Variants in ELAPOR2 observed in about 807,000 individuals in gnomAD.
The protein encoded by ELAPOR2 is endosome/lysosome-associated apoptosis and autophagy regulator family member 2.
Under a neutral mutation model 120.7 loss-of-function variants are expected in ELAPOR2, and 89 were observed. The observed-to-expected ratio is 0.74, with a 90% CI of 0.62 to 0.88. The LOEUF (loss-of-function observed/expected upper bound fraction) is 0.88. Among genes scored for constraint, ELAPOR2 ranks in the 40% least tolerant of loss-of-function variants. The probability of loss-of-function intolerance (pLI) is 0.00; values close to 1 mark genes in which losing one functional copy is unlikely to be tolerated. For missense variants in ELAPOR2, 1,134 were observed against 1,251.6 expected (o/e 0.91, Z 1.42); for synonymous variants, 444 against 444.9 (o/e 1.00, Z 0.03).
At chr7:87,028,078 C>T (rs910661050) in intron 1 of ELAPOR2, among the ~76,000 whole-genome samples, 5 of 152,132 alleles carry the variant, frequency 3.3e-5, no homozygotes, top group African/African-American at 1.2e-4. Flanking sequence ...ATACTTTGTT[C>T]AGCATTACTC....
intron 1 of ELAPOR2, among the ~76,000 whole-genome samples, chr7:86,965,272 T>C (rs749413924): frequency 9.2e-5 from 14 of 152,150 alleles, no homozygotes; most frequent in Non-Finnish European, 1.2e-4. Context: ...TATCCTTTCA[T>C]CTCACCCATC....
Position 86,935,343 on chromosome 7 carries a change from G to A in ELAPOR2, c.1089+2783C>T, listed in dbSNP as rs112822346. On this transcript the variant is annotated intron_variant, in intron 8 of 21. Coordinates refer to ENST00000450689, the MANE Select transcript of ELAPOR2 (RefSeq NM_001142749.3). ...ATACACTATGCTCCTTCCCATGTCA[G>A]GTCTTCACCATCCCGCTCCCTCTAT... 1.8e-3 allele frequency among the ~76,000 whole-genome samples: 270 copies of A among 152,078 alleles called. 3 individuals carry two copies. The highest frequency in any genetic ancestry group is 6.3e-3 in the African/African-American group (260 of 41,526).
chr7:87,021,137 TGGG>T (rs1794026716), intron 1 of ELAPOR2, among the ~76,000 whole-genome samples: 1 of 152,132 alleles, frequency 6.6e-6, no homozygotes, highest in Non-Finnish European at 1.5e-5. Flanking sequence ...GTGATAGAAC[TGGG>T]ATTTAAACCC....
chr7:86,988,982 A>T (rs1398493970), intron 1 of ELAPOR2, among the ~76,000 whole-genome samples: 1 of 152,270 alleles, frequency 6.6e-6, no homozygotes, highest in African/African-American at 2.4e-5. Flanking sequence ...ATGCATACCA[A>T]GCAGTTCAGA....
intron 1 of ELAPOR2, among the ~76,000 whole-genome samples, chr7:87,044,697 GC>G (rs1414428573): frequency 2.0e-5 from 3 of 151,884 alleles, no homozygotes. Flanking sequence ...ATAGGCACGG[GC>G]AAGGACTTCA....
rs1034058754 is a variant in ELAPOR2 at position 86,877,170 on chromosome 7, T to C, written c.*3301A>G. 2.0e-5 allele frequency: 3 copies of C among 152,180 alleles called. No individual in the cohort carries two copies. Among genetic ancestry groups the C allele is most frequent in the African/African-American group, 7.2e-5 (3 of 41,452 alleles). 9.4% of individuals were successfully genotyped at this position (152,180 alleles called of 1,614,324 possible). ...TTCTCTTTTCAATTATTCATTCCCA[T>C]CTTAAAGTTTTACTTCTTTCATTTA... is the stretch of plus-strand genomic sequence containing the variant. On this transcript the variant is annotated 3_prime_UTR_variant, in exon 22 of 22. Transcript: ENST00000450689.
intron 15 of ELAPOR2, chr7:86,911,526 A>G (rs575200013): frequency 2.3e-6 from 1 of 428,092 alleles, no homozygotes; most frequent in African/African-American, 2.1e-5. Context: ...AATATTGGGC[A>G]TCATGGTCCT....
chr7:86,945,914 C>T (rs532849353), intron 3 of ELAPOR2, among the ~76,000 whole-genome samples: 7 of 151,940 alleles, frequency 4.6e-5, no homozygotes, highest in Admixed American at 2.0e-4. Flanking sequence ...CACATGGAGA[C>T]GTGTGTATGT....
rs1207269228 is a variant in ELAPOR2 at position 86,877,281 on chromosome 7, T to C, written c.*3190A>G. ...AATCTGTAGCCAGTTAGTATGAAGA[T>C]GAATTCCATTTTAGCTTCCAACGAA... On this transcript the variant is annotated 3_prime_UTR_variant, in exon 22 of 22. Coordinates refer to ENST00000450689, the MANE Select transcript of ELAPOR2 (RefSeq NM_001142749.3). 1 of 152,192 alleles carries C rather than the reference T, an allele frequency of 6.6e-6. No homozygotes were observed. The highest frequency in any genetic ancestry group is 1.5e-5 in the Non-Finnish European group (1 of 68,030). The allele number at this position is 152,192 out of a possible 1,614,324, so 9.4% of individuals were successfully genotyped here.
At chr7:86,960,606 G>T (rs1367611780) in intron 2 of ELAPOR2, among the ~76,000 whole-genome samples, 1 of 151,964 alleles carries the variant, frequency 6.6e-6, no homozygotes, top group African/African-American at 2.4e-5. Flanking sequence ...TTGTAAGTAG[G>T]ATATTTAATT....
At chr7:86,943,339 T>C (rs773610473) in intron 4 of ELAPOR2, among the ~76,000 whole-genome samples, 8 of 151,916 alleles carry the variant, frequency 5.3e-5, no homozygotes, top group Non-Finnish European at 1.2e-4. Context: ...AAGTTTCATA[T>C]AGTTCCAAAA....
chr7:87,041,456 A>G (rs2129015706), intron 1 of ELAPOR2, among the ~76,000 whole-genome samples: 1 of 152,194 alleles, frequency 6.6e-6, no homozygotes, highest in Non-Finnish European at 1.5e-5. Context: ...GGGGGCCAAT[A>G]TTCAACATTC....
intron 1 of ELAPOR2, among the ~76,000 whole-genome samples, chr7:87,024,132 C>A (rs149500958): frequency 0.4 from 61,401 of 151,908 alleles, 13,926 homozygotes; most frequent in African/African-American, 0.62. Context: ...GGGCATCCCT[C>A]TCTTGTGCCA....
chr7:86,991,181 A>G (rs1442571887), intron 1 of ELAPOR2, among the ~76,000 whole-genome samples: 1 of 152,230 alleles, frequency 6.6e-6, no homozygotes. Flanking sequence ...CCCAAGAACT[A>G]CCAAAGTGCC....
At position 86,940,121 on chromosome 7, in the gene ELAPOR2, A is replaced by T; in HGVS notation, c.742-6T>A. 6.3e-7 allele frequency: 1 copy of T among 1,594,168 alleles called. No individual in the cohort carries two copies. Among genetic ancestry groups the T allele is most frequent in the Non-Finnish European group, 8.6e-7 (1 of 1,163,620 alleles). ...GTGCCTGATTTCAGCATTACCTATA[A>T]AGAGAAACATAAAGGCACTTAGGGC... On this transcript the variant is annotated splice_region_variant and splice_polypyrimidine_tract_variant and intron_variant, in intron 5 of 21. Transcript: ENST00000450689.
chr7:86,992,742 C>T (rs1792986745), intron 1 of ELAPOR2, among the ~76,000 whole-genome samples: 3 of 152,168 alleles, frequency 2.0e-5, no homozygotes, highest in Admixed American at 2.0e-4. Flanking sequence ...GAATTTATTT[C>T]TATTCATGCT....
At position 86,909,908 on chromosome 7, in the gene ELAPOR2, C is replaced by T. The variant is rs1789217570; in HGVS notation, c.2263G>A (p.Ala755Thr). The T allele has an allele frequency of 1.2e-6, 2 of 1,613,136 alleles. No individual in the cohort carries two copies. The highest frequency in any genetic ancestry group is 1.3e-5 in the African/African-American group (1 of 74,982). Residue 755 changes from alanine (A) to threonine (T), a missense_variant, in exon 16 of 22, where the codon GCA (alanine) becomes ACA (threonine). By Grantham distance (58) the Ala-to-Thr change is moderately conservative. Coordinates refer to ENST00000450689, the MANE Select transcript of ELAPOR2 (RefSeq NM_001142749.3). Reference protein sequence around the residue: ...GSDDYTNLVGAFVCQSTIIPS... With the variant: ...GSDDYTNLVGTFVCQSTIIPS... ...ATAATTGTTGACTGGCATACAAATG[C>T]CCCTACCAAATTTGTGTAATCATCT...
At chr7:86,997,588 T>C (rs138800369) in intron 1 of ELAPOR2, among the ~76,000 whole-genome samples, 11 of 152,346 alleles carry the variant, frequency 7.2e-5, no homozygotes, top group Admixed American at 7.2e-4. Context: ...GAGCCATTAA[T>C]AACACCTTCA....
chr7:86,924,657 C>T (rs1236867011), intron 10 of ELAPOR2, among the ~76,000 whole-genome samples: 1 of 151,930 alleles, frequency 6.6e-6, no homozygotes, highest in Non-Finnish European at 1.5e-5. Context: ...GTCTTTTCCT[C>T]TTTCACTCAT....
Sources: allele counts gnomAD v4.1 joint callset (sites outside exome capture counted in the v4.1 genomes callset), GRCh38; gene constraint gnomAD v4.1.1; transcripts MANE v1.5; gene names NCBI Gene and HGNC (gene_info 2026-07-23, HGNC 2026-07-21).